Variants in ANTXR1 observed in about 807,000 individuals in gnomAD.
ANTXR1 encodes anthrax toxin receptor 1.
In ANTXR1, 19 loss-of-function variants were observed where a neutral mutation model predicts 78.1. That is an observed-to-expected ratio of 0.24 (90% CI 0.17 to 0.36). The LOEUF (loss-of-function observed/expected upper bound fraction) is 0.36. Ranked by LOEUF, ANTXR1 falls within the 10% of genes least tolerant of loss-of-function variation. The pLI is 1.00. For synonymous variants in ANTXR1, 273 were observed against 260.5 expected (o/e 1.05, Z -0.46); for missense variants, 518 against 718.6 (o/e 0.72, Z 3.19).
intron 1 of ANTXR1, among the ~76,000 whole-genome samples, chr2:69,037,005 T>G (rs1164378347): frequency 2.0e-5 from 3 of 152,200 alleles, no homozygotes; most frequent in Non-Finnish European, 4.4e-5. Flanking sequence ...GATATGCAGT[T>G]CTGGTGAGCT....
chr2:69,044,723 A>G lies in ANTXR1; in HGVS notation c.225-19A>G, dbSNP rs764621707. 6.2e-7 allele frequency: 1 copy of G among 1,613,256 alleles called. No homozygotes were observed. Among genetic ancestry groups the G allele is most frequent in the South Asian group, 1.1e-5 (1 of 91,070 alleles). ...GCAGTCTTATTGTCTGTCCTAATAG[A>G]GCTTCTTTTCCTTTCCAGCCCACAG... On this transcript the variant is annotated intron_variant, in intron 2 of 17. Coordinates refer to ENST00000303714, the MANE Select transcript of ANTXR1 (RefSeq NM_032208.3).
intron 17 of ANTXR1, among the ~76,000 whole-genome samples, chr2:69,196,601 T>C (rs984301085): frequency 5.3e-5 from 8 of 152,200 alleles, no homozygotes; most frequent in African/African-American, 1.4e-4. Context: ...TAGAGAGGCC[T>C]GCCTTGCTTG....
At chr2:69,091,445 CAAAAAAAAA>C (rs60795933) in intron 9 of ANTXR1, among the ~76,000 whole-genome samples, 2 of 62,330 alleles carry the variant, frequency 3.2e-5, no homozygotes, top group Non-Finnish European at 5.8e-5. Context: ...GACACCATCT[CAAAAAAAAA>C]AAAAAAAAAA....
At chr2:69,015,995 G>A (rs1671014274) in intron 1 of ANTXR1, among the ~76,000 whole-genome samples, 1 of 152,148 alleles carries the variant, frequency 6.6e-6, no homozygotes, top group African/African-American at 2.4e-5. Flanking sequence ...ATTTTTATTA[G>A]GTTGGCAAAA....
chr2:69,153,321 C>A (rs1056030699), intron 13 of ANTXR1, among the ~76,000 whole-genome samples: 2 of 152,024 alleles, frequency 1.3e-5, no homozygotes, highest in African/African-American at 4.8e-5. Flanking sequence ...CACAGAGAGA[C>A]AGAGCACTGG....
At chr2:69,194,574 T>C (rs1426558033) in intron 17 of ANTXR1, among the ~76,000 whole-genome samples, 1 of 152,280 alleles carries the variant, frequency 6.6e-6, no homozygotes, top group East Asian at 1.9e-4. Flanking sequence ...TCAATCAGGA[T>C]GGGCACCGTG....
chr2:69,133,161 T>C (rs1035186648), intron 12 of ANTXR1, among the ~76,000 whole-genome samples: 9 of 152,148 alleles, frequency 5.9e-5, no homozygotes, highest in African/African-American at 1.9e-4. Context: ...GTATAACAAG[T>C]AGGCAGCTCA....
At chr2:69,039,642 G>A (rs1416926063) in intron 1 of ANTXR1, among the ~76,000 whole-genome samples, 1 of 152,156 alleles carries the variant, frequency 6.6e-6, no homozygotes, top group Non-Finnish European at 1.5e-5. Context: ...TGTTTATCGT[G>A]TGTGCTAATT....
At chr2:69,232,712 G>A (rs1675652841) in intron 17 of ANTXR1, among the ~76,000 whole-genome samples, 2 of 152,008 alleles carry the variant, frequency 1.3e-5, no homozygotes, top group South Asian at 4.2e-4. Flanking sequence ...ATAAGAATTA[G>A]GTAAAACTTA....
intron 15 of ANTXR1, 128 bp from the exon 16 acceptor site, chr2:69,182,365 C>A: frequency 8.6e-7 from 1 of 1,166,304 alleles, no homozygotes; most frequent in Non-Finnish European, 1.3e-6. Context: ...CTTCCCTGGC[C>A]CTCAAAACCC....
chr2:69,182,916 T>C lies in ANTXR1; in HGVS notation c.1353+256T>C, dbSNP rs559445380. 17 of 515,986 alleles carry C rather than the reference T, an allele frequency of 3.3e-5. 1 individual carries two copies. The South Asian group carries it at 3.4e-4, about 10-fold the overall frequency. 32.0% of individuals were successfully genotyped at this position (515,986 alleles called of 1,614,324 possible). On this transcript the variant is annotated intron_variant, in intron 16 of 17. Coordinates refer to ENST00000303714, the MANE Select transcript of ANTXR1 (RefSeq NM_032208.3). Reference sequence around the variant, plus strand: ...AGCACATATAGTAAAACTGGAACAATATAGAGAAGATTAGCATGACCCCTG... The same window carrying C: ...AGCACATATAGTAAAACTGGAACAACATAGAGAAGATTAGCATGACCCCTG...
At chr2:69,075,757 C>T in intron 7 of ANTXR1, 99 bp downstream of exon 7, 1 of 1,086,602 alleles carries the variant, frequency 9.2e-7, no homozygotes, top group Non-Finnish European at 1.4e-6. Context: ...GGAATAAATG[C>T]CCCTGAAATA....
chr2:69,088,324 G>C (rs1671120471), intron 8 of ANTXR1, among the ~76,000 whole-genome samples: 1 of 152,198 alleles, frequency 6.6e-6, no homozygotes, highest in African/African-American at 2.4e-5. Flanking sequence ...AACAGGACTA[G>C]TCCAAAAGCT....
intron 6 of ANTXR1, among the ~76,000 whole-genome samples, 154 bp downstream of exon 6, chr2:69,073,255 C>T (rs771654357): frequency 2.0e-5 from 3 of 152,120 alleles, no homozygotes; most frequent in Non-Finnish European, 4.4e-5. Flanking sequence ...AATAATAATT[C>T]GTGTTCTACA....
At chr2:69,115,448 T>C (rs2104354336) in intron 10 of ANTXR1, among the ~76,000 whole-genome samples, 1 of 152,364 alleles carries the variant, frequency 6.6e-6, no homozygotes, top group South Asian at 2.1e-4. Flanking sequence ...GTGCTAAGCA[T>C]TAAATGATAT....
At chr2:69,139,362 C>T (rs1254463117) in intron 12 of ANTXR1, among the ~76,000 whole-genome samples, 1 of 152,206 alleles carries the variant, frequency 6.6e-6, no homozygotes, top group African/African-American at 2.4e-5. Context: ...AACTGCATTT[C>T]ACCAGTACGG....
At chr2:69,092,584 C>T (rs1332863719) in intron 9 of ANTXR1, among the ~76,000 whole-genome samples, 1 of 152,190 alleles carries the variant, frequency 6.6e-6, no homozygotes, top group African/African-American at 2.4e-5. Flanking sequence ...ACCTACTGAC[C>T]TTTAAATAAA....
intron 17 of ANTXR1, among the ~76,000 whole-genome samples, chr2:69,212,309 T>G: frequency 6.6e-6 from 1 of 152,130 alleles, no homozygotes; most frequent in Non-Finnish European, 1.5e-5. Context: ...GACGTGGTAC[T>G]TTGATTGAGT....
chr2:69,080,076 A>G (rs1026122309), intron 8 of ANTXR1, among the ~76,000 whole-genome samples: 2 of 152,222 alleles, frequency 1.3e-5, no homozygotes, highest in Non-Finnish European at 2.9e-5. Context: ...CCAAACTTTT[A>G]GCTGAATGAT....
Sources: gnomAD v4.1 joint callset for allele counts (sites outside exome capture counted in the v4.1 genomes callset) on GRCh38, gnomAD v4.1.1 for gene constraint, MANE v1.5 for transcripts, NCBI Gene and HGNC (gene_info 2026-07-23, HGNC 2026-07-21) for gene names.